MNAT1: variants seen among roughly 807,000 people sequenced by gnomAD.
The protein encoded by MNAT1 is MNAT1 component of CDK activating kinase, also known as CDK-activating kinase assembly factor MAT1.
MNAT1 carries 43 observed loss-of-function variants against 42.0 expected under a neutral mutation model. The observed-to-expected ratio is 1.02, with a 90% CI of 0.80 to 1.32. The LOEUF (loss-of-function observed/expected upper bound fraction) is 1.32. Among genes scored for constraint, MNAT1 ranks in the 40% most tolerant of loss-of-function variants. The pLI, the probability that MNAT1 is intolerant of heterozygous loss-of-function variation, is 0.00. For missense variants in MNAT1, 306 were observed against 350.4 expected, an observed-to-expected ratio of 0.87 and a Z score of 1.01; for synonymous variants, 118 against 120.0, an observed-to-expected ratio of 0.98 and a Z score of 0.11.
intron 3 of MNAT1, among the ~76,000 whole-genome samples, chr14:60,800,163 GTA>G (rs1319072307): frequency 6.6e-6 from 1 of 151,314 alleles, no homozygotes; most frequent in East Asian, 2.0e-4. Context: ...AATATTATAT[GTA>G]ATTTAAATAT....
intron 1 of MNAT1, among the ~76,000 whole-genome samples, chr14:60,794,327 G>A (rs1476754323): frequency 1.3e-5 from 2 of 151,958 alleles, no homozygotes; most frequent in Non-Finnish European, 2.9e-5. Context: ...ATGACACTAT[G>A]ATCTTTGGAA....
chr14:60,824,863 C>T (rs923683098), intron 6 of MNAT1, among the ~76,000 whole-genome samples: 6 of 152,028 alleles, frequency 3.9e-5, no homozygotes, highest in Non-Finnish European at 5.9e-5. Context: ...TGCCCTTGAA[C>T]CAAATGCTGA....
At chr14:60,934,957 G>A (rs536518350) in intron 7 of MNAT1, among the ~76,000 whole-genome samples, 1 of 152,282 alleles carries the variant, frequency 6.6e-6, no homozygotes, top group African/African-American at 2.4e-5. Context: ...CCTAAATTAA[G>A]GAATTCTAGT....
intron 7 of MNAT1, among the ~76,000 whole-genome samples, chr14:60,905,780 G>T (rs2035184908): frequency 1.3e-5 from 2 of 152,166 alleles, no homozygotes; most frequent in African/African-American, 4.8e-5. Flanking sequence ...CTGTGTTCAG[G>T]CCCTCAGCTG....
intron 1 of MNAT1, chr14:60,780,461 G>A: frequency 2.6e-6 from 4 of 1,536,696 alleles, no homozygotes; most frequent in East Asian, 2.2e-5. Flanking sequence ...CAAAGATTTG[G>A]TTGTACCTGA....
chr14:60,864,697 A>G (rs2034166597), intron 6 of MNAT1, among the ~76,000 whole-genome samples: 1 of 152,086 alleles, frequency 6.6e-6, no homozygotes, highest in Non-Finnish European at 1.5e-5. Context: ...GAAGGGTATC[A>G]AGTCAGTGTC....
chr14:60,745,575 C>G (rs574108019), intron 1 of MNAT1, among the ~76,000 whole-genome samples: 6 of 152,080 alleles, frequency 3.9e-5, no homozygotes, highest in Non-Finnish European at 8.8e-5. Flanking sequence ...TACCACCACG[C>G]CTGGCTAATT....
intron 6 of MNAT1, among the ~76,000 whole-genome samples, chr14:60,842,038 C>T (rs2033566901): frequency 6.6e-6 from 1 of 152,220 alleles, no homozygotes; most frequent in South Asian, 2.1e-4. Context: ...TTGAGGACAT[C>T]ACTGTGAAAT....
At chr14:60,818,944 TGTTTAAGAAC>T (rs1424546218) in intron 6 of MNAT1, 97 bp downstream of exon 6, 20 of 1,386,070 alleles carry the variant, frequency 1.4e-5, no homozygotes, top group Non-Finnish European at 2.0e-5. Flanking sequence ...AATGTTCAGA[TGTTTAAGAAC>T]AGTGTCTGAT....
chr14:60,964,937 T>TA (rs1223337579), intron 7 of MNAT1, among the ~76,000 whole-genome samples: 1 of 152,208 alleles, frequency 6.6e-6, no homozygotes, highest in Non-Finnish European at 1.5e-5. Flanking sequence ...TTAAGATACT[T>TA]AAAAAATAAA....
chr14:60,774,777 C>T (rs559981952), intron 1 of MNAT1, among the ~76,000 whole-genome samples: 1 of 152,108 alleles, frequency 6.6e-6, no homozygotes, highest in Non-Finnish European at 1.5e-5. Flanking sequence ...AAGGAAGCCT[C>T]CTAGGTTTTT....
At chr14:60,955,836 A>G (rs1038959870) in intron 7 of MNAT1, among the ~76,000 whole-genome samples, 1 of 151,824 alleles carries the variant, frequency 6.6e-6, no homozygotes, top group African/African-American at 2.4e-5. Flanking sequence ...TTTCATACCT[A>G]TGTGGCCTCA....
Position 60,749,191 on chromosome 14 carries a change from A to G in MNAT1, c.89+14240A>G, listed in dbSNP as rs142807339. On this transcript the variant is annotated intron_variant, in intron 1 of 7. Coordinates refer to ENST00000261245, the MANE Select transcript of MNAT1 (RefSeq NM_002431.4). ...ACCTGCAGGTATCAGAAAGTTTCAT[A>G]GCATCTTTGGCTTTGTGAACATTCT... Among the ~76,000 whole-genome samples, 137 of 152,306 alleles carry G rather than the reference A, an allele frequency of 9.0e-4. 1 individual carries two copies. Among genetic ancestry groups the G allele is most frequent in the African/African-American group, 3.1e-3 (127 of 41,564 alleles).
At chr14:60,807,172 T>G (rs1431053040) in intron 3 of MNAT1, among the ~76,000 whole-genome samples, 1 of 152,240 alleles carries the variant, frequency 6.6e-6, no homozygotes, top group Non-Finnish European at 1.5e-5. Flanking sequence ...ATTGATGTTC[T>G]GAAATAAGTT....
intron 6 of MNAT1, among the ~76,000 whole-genome samples, chr14:60,841,836 A>G (rs1291936805): frequency 6.6e-6 from 1 of 152,246 alleles, no homozygotes; most frequent in Non-Finnish European, 1.5e-5. Flanking sequence ...CTCCACTTTC[A>G]TGGTGATACT....
intron 7 of MNAT1, among the ~76,000 whole-genome samples, chr14:60,889,209 G>C (rs1387053688): frequency 6.6e-6 from 1 of 152,134 alleles, no homozygotes; most frequent in Non-Finnish European, 1.5e-5. Context: ...ATACTACAAG[G>C]CTACAGTAAC....
chr14:60,897,656 A>G (rs1374399307), intron 7 of MNAT1, among the ~76,000 whole-genome samples: 2 of 152,070 alleles, frequency 1.3e-5, no homozygotes, highest in African/African-American at 4.8e-5. Context: ...ACATGTGAAT[A>G]TTTTTACATG....
chr14:60,802,316 A>G (rs984975727), intron 3 of MNAT1, among the ~76,000 whole-genome samples: 4 of 152,202 alleles, frequency 2.6e-5, no homozygotes, highest in Admixed American at 6.5e-5. Context: ...CAAAATTGCT[A>G]AAAGAGTAGA....
chr14:60,752,389 G>T (rs567961365), intron 1 of MNAT1, among the ~76,000 whole-genome samples: 10 of 152,098 alleles, frequency 6.6e-5, no homozygotes, highest in Admixed American at 1.3e-4. Flanking sequence ...TTTTAAAATA[G>T]ATTTATTTTA....
Sources: allele counts gnomAD v4.1 joint callset (sites outside exome capture counted in the v4.1 genomes callset), GRCh38; gene constraint gnomAD v4.1.1; transcripts MANE v1.5; gene names NCBI Gene and HGNC (gene_info 2026-07-23, HGNC 2026-07-21).